Variants in GMEB1 observed in about 807,000 individuals in gnomAD.
GMEB1 encodes the protein glucocorticoid modulatory element binding protein 1.
GMEB1 carries 6 observed loss-of-function variants against 52.4 expected under a neutral mutation model. That is an observed-to-expected ratio of 0.11 (90% CI 0.06 to 0.23). The LOEUF is 0.23. Among genes scored for constraint, GMEB1 ranks in the 10% least tolerant of loss-of-function variants. GMEB1 has a pLI of 1.00. For synonymous variants in GMEB1, 255 were observed against 244.9 expected, an observed-to-expected ratio of 1.04 and a Z score of -0.38; for missense variants, 486 against 685.6, an observed-to-expected ratio of 0.71 and a Z score of 3.25.
intron 8 of GMEB1, among the ~76,000 whole-genome samples, chr1:28,706,989 T>G (rs1370420552): frequency 3.0e-5 from 4 of 134,096 alleles, no homozygotes; most frequent in African/African-American, 1.1e-4. Context: ...TTTTTTTTTT[T>G]TTTTTTTTTT....
intron 8 of GMEB1, among the ~76,000 whole-genome samples, chr1:28,708,433 G>A (rs1205417018): frequency 2.0e-5 from 3 of 151,556 alleles, no homozygotes; most frequent in African/African-American, 7.3e-5. Flanking sequence ...CAAAGTGCTG[G>A]GATTACAGGC....
chr1:28,693,071 C>A, intron 5 of GMEB1, 26 bp downstream of exon 5: 2 of 1,213,906 alleles, frequency 1.6e-6, no homozygotes, highest in Non-Finnish European at 1.2e-6. Context: ...AAGCACATAC[C>A]TTTCAACAAA....
Position 28,691,374 on chromosome 1 carries a change from A to G in GMEB1, c.212-211A>G, listed in dbSNP as rs74762540. Among the ~76,000 whole-genome samples, 628 of 152,272 alleles carry G rather than the reference A, an allele frequency of 4.1e-3. 5 individuals carry two copies. The highest frequency in any genetic ancestry group is 0.015 in the African/African-American group (603 of 41,556). On this transcript the variant is annotated intron_variant, in intron 3 of 9. Coordinates refer to ENST00000373816, the MANE Select transcript of GMEB1 (RefSeq NM_001319674.2). ...TTTGTTGTAAGAACTAAACAAGATTATGTGTGTAAAATACATAGTATGGTG... is the reference window on the plus strand; with the variant it reads ...TTTGTTGTAAGAACTAAACAAGATTGTGTGTGTAAAATACATAGTATGGTG...
At chr1:28,669,910 A>G (rs1324846985) in intron 1 of GMEB1, among the ~76,000 whole-genome samples, 1 of 152,186 alleles carries the variant, frequency 6.6e-6, no homozygotes, top group Non-Finnish European at 1.5e-5. Flanking sequence ...GATGATCCAC[A>G]AGACAAGAGG....
intron 9 of GMEB1, 121 bp downstream of exon 9, chr1:28,710,763 T>G: frequency 1.8e-6 from 1 of 553,310 alleles, no homozygotes; most frequent in Non-Finnish European, 2.7e-6. Context: ...ATTTTGCTTT[T>G]AAAAATAAAA....
chr1:28,670,476 C>T (rs924550439), intron 1 of GMEB1, among the ~76,000 whole-genome samples: 3 of 151,936 alleles, frequency 2.0e-5, no homozygotes, highest in Non-Finnish European at 4.4e-5. Flanking sequence ...TACAGGCGCC[C>T]GCCACCACAC....
At chr1:28,676,535 G>C (rs1255946631) in intron 1 of GMEB1, among the ~76,000 whole-genome samples, 1 of 152,046 alleles carries the variant, frequency 6.6e-6, no homozygotes, top group Non-Finnish European at 1.5e-5. Context: ...AGACCATCCT[G>C]ACTAACACGG....
At chr1:28,686,695 A>G (rs1028416017) in intron 2 of GMEB1, among the ~76,000 whole-genome samples, 6 of 151,768 alleles carry the variant, frequency 4.0e-5, no homozygotes, top group Non-Finnish European at 7.4e-5. Flanking sequence ...GATTTTTCAC[A>G]TAGTGGTCAA....
At position 28,716,279 on chromosome 1, in the gene GMEB1, C is replaced by A. The variant is rs1005333097; in HGVS notation, c.*1506C>A. ...TCTGGTTCTTAGACTGTGGCTGTCA[C>A]AGGGATGGGGCTCCAAGGCCATCAT... On this transcript the variant is annotated 3_prime_UTR_variant, in exon 10 of 10. Coordinates refer to ENST00000373816, the MANE Select transcript of GMEB1 (RefSeq NM_001319674.2). 2 of 152,192 alleles carry A rather than the reference C, an allele frequency of 1.3e-5. No homozygotes were observed. The highest frequency in any genetic ancestry group is 4.8e-5 in the African/African-American group (2 of 41,444). The allele number at this position is 152,192 out of a possible 1,614,324, so 9.4% of individuals were successfully genotyped here.
Position 28,670,367 on chromosome 1 carries a change from G to T in GMEB1, c.-31+1528G>T, listed in dbSNP as rs553378740. On this transcript the variant is annotated intron_variant, in intron 1 of 9. Transcript: ENST00000373816. The stretch of plus-strand genomic sequence containing the variant: ...TTTGAGACGGAGTTTCACTCCTGTT[G>T]CCCAGACTGGAGTGCAATGGCGCGA... Among the ~76,000 whole-genome samples the T allele has an allele frequency of 2.0e-4, 31 of 151,860 alleles. 1 individual carries two copies. The South Asian group carries it at 6.5e-3, about 32-fold the overall frequency.
chr1:28,680,537 C>G (rs1669346020), intron 1 of GMEB1, among the ~76,000 whole-genome samples: 1 of 151,580 alleles, frequency 6.6e-6, no homozygotes, highest in South Asian at 2.1e-4. Context: ...GAGATCAAGA[C>G]CATCCTGGCC....
At chr1:28,673,714 T>C (rs935902018) in intron 1 of GMEB1, among the ~76,000 whole-genome samples, 1 of 152,160 alleles carries the variant, frequency 6.6e-6, no homozygotes, top group African/African-American at 2.4e-5. Flanking sequence ...GTTGTTTTTG[T>C]CTTTGGAAAT....
chr1:28,705,595 G>T (rs978210090), intron 8 of GMEB1, among the ~76,000 whole-genome samples: 1 of 151,250 alleles, frequency 6.6e-6, no homozygotes, highest in Non-Finnish European at 1.5e-5. Context: ...GATTACAGGC[G>T]CATGCCACCA....
rs1192060170 is a variant in GMEB1, at chr1:28,718,561, A to G, written c.*3788A>G. On this transcript the variant is annotated 3_prime_UTR_variant, in exon 10 of 10. Transcript: ENST00000373816. ...GGCTGTAGTGAGCTATGACTTTGCC[A>G]CTGTACTCTAGCCCAGGTAACAGGG... 6.6e-6 allele frequency: 1 copy of G among 152,230 alleles called. No homozygotes were observed. Among genetic ancestry groups the G allele is most frequent in the Non-Finnish European group, 1.5e-5 (1 of 68,036 alleles). The allele number at this position is 152,230 out of a possible 1,614,324, so 9.4% of individuals were successfully genotyped here.
At chr1:28,687,866 T>C (rs1669759441) in intron 2 of GMEB1, among the ~76,000 whole-genome samples, 1 of 151,912 alleles carries the variant, frequency 6.6e-6, no homozygotes, top group Non-Finnish European at 1.5e-5. Context: ...TACAGTGTGC[T>C]GAGTGGTGCT....
chr1:28,704,954 G>A (rs900854377), intron 8 of GMEB1, among the ~76,000 whole-genome samples: 8 of 151,900 alleles, frequency 5.3e-5, no homozygotes, highest in African/African-American at 1.9e-4. Flanking sequence ...GGTAGTGGGT[G>A]CCTGTAGTCC....
intron 6 of GMEB1, among the ~76,000 whole-genome samples, chr1:28,698,674 CAAA>C (rs138996886): frequency 3.3e-5 from 4 of 120,856 alleles, no homozygotes; most frequent in African/African-American, 3.4e-5. Context: ...GACTCCATCT[CAAA>C]AAAAAAAAAA....
intron 2 of GMEB1, among the ~76,000 whole-genome samples, chr1:28,684,833 C>T (rs922217405): frequency 2.0e-5 from 3 of 152,064 alleles, no homozygotes; most frequent in African/African-American, 4.8e-5. Context: ...CAAATCTGCA[C>T]GTTCTGCACA....
chr1:28,685,291 C>T (rs1669588198), intron 2 of GMEB1, among the ~76,000 whole-genome samples: 2 of 151,458 alleles, frequency 1.3e-5, no homozygotes, highest in South Asian at 4.2e-4. Context: ...CTCACTGCAA[C>T]CTCCGCCTCC....
Sources: gnomAD v4.1 joint callset for allele counts (sites outside exome capture counted in the v4.1 genomes callset) on GRCh38, gnomAD v4.1.1 for gene constraint, MANE v1.5 for transcripts, NCBI Gene and HGNC (gene_info 2026-07-23, HGNC 2026-07-21) for gene names.